Variants in PDE8B observed in about 807,000 individuals in gnomAD.
PDE8B encodes high affinity cAMP-specific and IBMX-insensitive 3',5'-cyclic phosphodiesterase 8B.
A neutral mutation model predicts 101.3 loss-of-function variants in PDE8B; 26 were observed. The ratio of observed to expected loss-of-function variants is 0.26; its 90% CI spans 0.19 to 0.36. The LOEUF is 0.36. PDE8B is among the 10% of genes least tolerant of loss of function. PDE8B has a pLI of 1.00. For synonymous variants in PDE8B, 424 were observed against 429.3 expected (o/e 0.99, Z 0.15); for missense variants, 810 against 1,163.1 (o/e 0.70, Z 4.42).
At chr5:77,248,641 G>T (rs1757452746) in intron 1 of PDE8B, among the ~76,000 whole-genome samples, 1 of 152,150 alleles carries the variant, frequency 6.6e-6, no homozygotes, top group African/African-American at 2.4e-5. Flanking sequence ...GCAGAATCCG[G>T]CTTGTCTCTG....
At position 77,337,303 on chromosome 5, in the gene PDE8B, A is replaced by T. The variant is rs1386956010; in HGVS notation, c.785A>T (p.Gln262Leu). Residue 262 changes from glutamine (Q) to leucine (L), a missense_variant, in exon 6 of 22, where the codon CAG becomes CTG. Gln to Leu is a moderately radical substitution (Grantham distance 113). Around this residue, in one of 4 missense-constraint regions of PDE8B, gnomAD observed 251 missense variants for 378.8 expected, o/e 0.66. Coordinates refer to ENST00000264917, the MANE Select transcript of PDE8B (RefSeq NM_003719.5). Reference sequence around the variant, plus strand: ...ATAGAACATGGGGAAGTTCGCTCCCAGTTCAAATTACGGTATGTAGCAAAA... The same window carrying T: ...ATAGAACATGGGGAAGTTCGCTCCCTGTTCAAATTACGGTATGTAGCAAAA... The part of the protein sequence containing the change: ...IQIEHGEVRS[Q>L]FKLRACNSVF... 1.3e-6 allele frequency: 2 copies of T among 1,557,310 alleles called. No homozygotes were observed. The highest frequency in any genetic ancestry group is 2.2e-5 in the East Asian group (1 of 44,568).
intron 1 of PDE8B, among the ~76,000 whole-genome samples, chr5:77,235,892 T>C (rs58335634): frequency 0.13 from 19,596 of 152,050 alleles, 1,805 homozygotes; most frequent in East Asian, 0.5. Context: ...AAAAAAAATT[T>C]AACAACCTTA....
At chr5:77,090,051 A>T in the PDE8B span, among the ~76,000 whole-genome samples, 1 of 152,168 alleles carries the variant, frequency 6.6e-6, no homozygotes, top group Non-Finnish European at 1.5e-5. Context: ...GAAAGGCAAA[A>T]ATCACATGTT....
Position 77,211,267 on chromosome 5 carries a change from A to G in PDE8B, c.339+3A>G. ...AGACCTGCTACACCAGCGTGAAGGT[A>G]AATGCCCCGCGCTGGCACACGCCGT... On this transcript the variant is annotated splice_donor_region_variant and intron_variant, in intron 1 of 21. Transcript: ENST00000264917. The surrounding 1 kb of genome is among the most constrained non-coding windows in gnomAD (Gnocchi z 4.1). 1 of 1,559,860 alleles carries G rather than the reference A, an allele frequency of 6.4e-7. No homozygotes were observed. Among genetic ancestry groups the G allele is most frequent in the Non-Finnish European group, 8.6e-7 (1 of 1,160,898 alleles).
In PDE8B at chr5:77,365,799, C is replaced by T. The variant is rs1188464333; in HGVS notation, c.1167+12393C>T. Among the ~76,000 whole-genome samples the T allele has an allele frequency of 3.3e-5, 5 of 152,210 alleles. No homozygotes were observed. The East Asian group carries it at 7.7e-4, about 23-fold the overall frequency. The stretch of plus-strand genomic sequence containing the variant: ...CAGAGAGCACTGTGATGATGTGGCT[C>T]TGCCTGTCTTGTCAGCCATGTTTCC... On this transcript the variant is annotated intron_variant, in intron 10 of 21. Coordinates refer to ENST00000264917, the MANE Select transcript of PDE8B (RefSeq NM_003719.5).
chr5:77,194,988 C>G, the PDE8B span, among the ~76,000 whole-genome samples: 2 of 152,194 alleles, frequency 1.3e-5, no homozygotes, highest in Non-Finnish European at 2.9e-5. Flanking sequence ...TATGGTAACT[C>G]TCTTTACCTT....
At chr5:77,291,149 T>C (rs899890913) in intron 1 of PDE8B, 3 of 1,610,690 alleles carry the variant, frequency 1.9e-6, no homozygotes, top group South Asian at 2.2e-5. Flanking sequence ...TCTTCACTGC[T>C]GTGGGAATAG....
intron 2 of PDE8B, among the ~76,000 whole-genome samples, chr5:77,312,373 G>A (rs1241305237): frequency 6.6e-6 from 1 of 152,124 alleles, no homozygotes; most frequent in Non-Finnish European, 1.5e-5. Flanking sequence ...CAGAGTGCTG[G>A]GATTACAGGC....
At chr5:77,141,686 A>G in the PDE8B span, 1 of 152,204 alleles carries the variant, frequency 6.6e-6, no homozygotes, top group Non-Finnish European at 1.5e-5. Flanking sequence ...AGACCTATCT[A>G]TATACCTACC....
At chr5:77,230,561 G>C (rs998512232) in intron 1 of PDE8B, among the ~76,000 whole-genome samples, 2 of 152,104 alleles carry the variant, frequency 1.3e-5, no homozygotes, top group African/African-American at 4.8e-5. Context: ...CAGCCTCCGA[G>C]GTTCAAGCGA....
intron 1 of PDE8B, among the ~76,000 whole-genome samples, chr5:77,266,427 T>C (rs180827416): frequency 6.6e-6 from 1 of 152,212 alleles, no homozygotes; most frequent in Non-Finnish European, 1.5e-5. Context: ...CCAGCCATAG[T>C]GCTGAAGCGC....
chr5:77,107,328 G>A, the PDE8B span, among the ~76,000 whole-genome samples: 1 of 151,974 alleles, frequency 6.6e-6, no homozygotes, highest in African/African-American at 2.4e-5. Context: ...GTCCATTGCT[G>A]GTATATAGTA....
At chr5:77,313,826 A>C in intron 2 of PDE8B, among the ~76,000 whole-genome samples, 1 of 152,138 alleles carries the variant, frequency 6.6e-6, no homozygotes, top group Non-Finnish European at 1.5e-5. Flanking sequence ...GAAAGCAACC[A>C]CTATGATACA....
At chr5:77,143,257 C>T in the PDE8B span, among the ~76,000 whole-genome samples, 19 of 152,190 alleles carry the variant, frequency 1.2e-4, no homozygotes, top group Non-Finnish European at 2.1e-4. Context: ...AACCTGATAT[C>T]ATTATTGCTC....
chr5:77,407,375 C>G lies in PDE8B; in HGVS notation c.1289-6C>G, dbSNP rs186318556. 1.9e-6 allele frequency: 3 copies of G among 1,613,514 alleles called. No individual in the cohort carries two copies. Among genetic ancestry groups the G allele is most frequent in the Admixed American group, 3.3e-5 (2 of 60,026 alleles). The stretch of plus-strand genomic sequence containing the variant: ...ACTGGACACAGCTTTCTTGCCTTCT[C>G]TCCAGCACCAAGCCTGCAGAATCGT... On this transcript the variant is annotated splice_region_variant and splice_polypyrimidine_tract_variant and intron_variant, in intron 12 of 21. Transcript: ENST00000264917.
the PDE8B span, among the ~76,000 whole-genome samples, chr5:77,180,051 C>T: frequency 6.6e-6 from 1 of 152,148 alleles, no homozygotes; most frequent in African/African-American, 2.4e-5. Context: ...AAAGGCCCAA[C>T]GAGAGGAAAG....
intron 10 of PDE8B, 102 bp from the exon 11 acceptor site, chr5:77,400,146 C>T (rs1343125649): frequency 2.4e-6 from 2 of 827,706 alleles, no homozygotes; most frequent in Admixed American, 3.5e-5. Flanking sequence ...TTGCTTTCTT[C>T]AAGTCTTCAG....
intron 19 of PDE8B, 143 bp from the exon 20 acceptor site, chr5:77,421,678 A>C: frequency 1.3e-6 from 1 of 741,006 alleles, no homozygotes; most frequent in South Asian, 1.5e-5. Context: ...TTATATATGG[A>C]ATTTAAAAAA....
chr5:77,275,300 T>TAC (rs1763631715), intron 1 of PDE8B, among the ~76,000 whole-genome samples: 1 of 152,246 alleles, frequency 6.6e-6, no homozygotes, highest in Non-Finnish European at 1.5e-5. Flanking sequence ...ATGTGGAGTT[T>TAC]ACCCTTTCTG....
Sources: allele counts gnomAD v4.1 joint callset (sites outside exome capture counted in the v4.1 genomes callset), GRCh38; gene constraint gnomAD v4.1.1; regional missense constraint gnomAD v4.1.1; non-coding constraint Gnocchi (gnomAD v3.1); transcripts MANE v1.5; gene names NCBI Gene and HGNC (gene_info 2026-07-23, HGNC 2026-07-21).